ASB9: variants seen among roughly 807,000 people sequenced by gnomAD.
ASB9 encodes ankyrin repeat and SOCS box protein 9.
Under a neutral mutation model 16.6 loss-of-function variants are expected in ASB9, and 5 were observed. The ratio of observed to expected loss-of-function variants is 0.30; its 90% CI spans 0.16 to 0.63. The LOEUF (loss-of-function observed/expected upper bound fraction) is 0.63. Ranked by LOEUF, ASB9 falls within the 30% of genes least tolerant of loss-of-function variation. The pLI is 0.82. For missense variants in ASB9, 216 were observed against 229.4 expected, an observed-to-expected ratio of 0.94 and a Z score of 0.38; for synonymous variants, 100 against 86.4, an observed-to-expected ratio of 1.16 and a Z score of -0.87.
chrX:15,256,845 C>T (rs1305566289), intron 2 of ASB9, among the ~76,000 whole-genome samples: 1 of 107,516 alleles, frequency 9.3e-6, no homozygotes, highest in Non-Finnish European at 1.9e-5. Flanking sequence ...AAGAATATGT[C>T]ATTTCTTACT....
rs769750136 is a variant in ASB9, at chrX:15,250,331, T to C, written c.568+99A>G. 11 of 971,626 alleles carry C rather than the reference T, an allele frequency of 1.1e-5. No homozygotes were observed. In the African/African-American group the frequency reaches 2.1e-4, roughly 19 times the overall value. The allele number at this position is 971,626 out of a possible 1,213,427, so 80.1% of individuals were successfully genotyped here. On this transcript the variant is annotated intron_variant, in intron 5 of 6. Coordinates refer to ENST00000380488, the MANE Select transcript of ASB9 (RefSeq NM_001031739.3). ...GAACCCTGACCTTGTCCAACTCCAT[T>C]GCCCACACTAATTTCTCTCCTACAG...
intron 1 of ASB9, among the ~76,000 whole-genome samples, chrX:15,269,463 CTATTTA>C (rs1267228191): frequency 8.9e-6 from 1 of 112,110 alleles, no homozygotes; most frequent in African/African-American, 3.2e-5. Flanking sequence ...AAAAATTTTC[CTATTTA>C]TAAGTAACTT....
In ASB9 at chrX:15,245,444, T is replaced by C. The variant is rs748134156; in HGVS notation, c.761-814A>G. Among the ~76,000 whole-genome samples the C allele has an allele frequency of 8.2e-3, 911 of 111,117 alleles. 10 individuals carry two copies. The highest frequency in any genetic ancestry group is 0.029 in the African/African-American group (882 of 30,541). On this transcript the variant is annotated intron_variant, in intron 6 of 6. Coordinates refer to ENST00000380488, the MANE Select transcript of ASB9 (RefSeq NM_001031739.3). Reference sequence around the variant, plus strand: ...GCGTCAAGGTTGAGAAACTCTGTTATAGGGCAAAAGGATGGGGAATGATTT... The same window carrying C: ...GCGTCAAGGTTGAGAAACTCTGTTACAGGGCAAAAGGATGGGGAATGATTT...
chrX:15,253,389 C>T (rs1332413514), intron 3 of ASB9, among the ~76,000 whole-genome samples: 5 of 111,250 alleles, frequency 4.5e-5, no homozygotes, highest in Admixed American at 9.5e-5. Context: ...GTCGGAAGTT[C>T]GAGACCAACC....
chrX:15,251,921 T>A (rs987259681), intron 4 of ASB9, among the ~76,000 whole-genome samples: 1 of 112,557 alleles, frequency 8.9e-6, no homozygotes, highest in Non-Finnish European at 1.9e-5. Flanking sequence ...TAGTCTACTA[T>A]GTGCCAAGCC....
Position 15,252,536 on chromosome X carries a change from C to A in ASB9, c.283-132G>T, listed in dbSNP as rs1300063749. The A allele has an allele frequency of 1.1e-5, 7 of 657,032 alleles. No individual in the cohort carries two copies. In the African/African-American group the frequency reaches 1.6e-4, roughly 15 times the overall value. The allele number at this position is 657,032 out of a possible 1,213,427, so 54.1% of individuals were successfully genotyped here. A position where few individuals can be genotyped will look rare whatever the true frequency, so the allele number is the denominator to read the frequency against. ...CCTCAGCTATAAAATGGAGAAATAACTACGAAATTCCACAGGTTTTTGTGA... is the reference window on the plus strand; with the variant it reads ...CCTCAGCTATAAAATGGAGAAATAAATACGAAATTCCACAGGTTTTTGTGA... On this transcript the variant is annotated intron_variant, in intron 3 of 6. Transcript: ENST00000380488.
In ASB9 at chrX:15,248,947, C is replaced by T. The variant is rs1310013294; in HGVS notation, c.569-12G>A. 2 of 1,143,425 alleles carry T rather than the reference C, an allele frequency of 1.7e-6. No individual in the cohort carries two copies. The highest frequency in any genetic ancestry group is 1.8e-5 in the African/African-American group (1 of 54,622). 94.2% of individuals were successfully genotyped at this position (1,143,425 alleles called of 1,213,427 possible). On this transcript the variant is annotated splice_polypyrimidine_tract_variant and intron_variant, in intron 5 of 6. Coordinates refer to ENST00000380488, the MANE Select transcript of ASB9 (RefSeq NM_001031739.3). The stretch of plus-strand genomic sequence containing the variant: ...GTTCACGTCCGCTCCTAAACAGTCA[C>T]GAGAACAAAAAAGAGTCAGCAAGGA...
Position 15,268,696 on chromosome X carries a change from G to A in ASB9, c.94+1085C>T, listed in dbSNP as rs758118742. Among the ~76,000 whole-genome samples, 32 of 107,792 alleles carry A rather than the reference G, an allele frequency of 3.0e-4. No individual in the cohort carries two copies. In the South Asian group the frequency reaches 0.012, roughly 39 times the overall value. The allele number at this position is 107,792 out of a possible 115,157, so 93.6% of individuals were successfully genotyped here. On this transcript the variant is annotated intron_variant, in intron 1 of 6. Transcript: ENST00000380488. ...GCCTCCGAAAGTACTGGGATTACAG[G>A]CGTAAACCACCGTGCCCCGCCTATA...
chrX:15,265,365 G>A (rs1926295504), intron 1 of ASB9, among the ~76,000 whole-genome samples: 1 of 111,905 alleles, frequency 8.9e-6, no homozygotes, highest in African/African-American at 3.3e-5. Context: ...ACATTACTTT[G>A]GGCTTGAGAA....
At chrX:15,250,744 C>T (rs748027905) in intron 4 of ASB9, among the ~76,000 whole-genome samples, 180 bp from the exon 5 acceptor site, 2 of 111,768 alleles carry the variant, frequency 1.8e-5, no homozygotes, top group African/African-American at 3.3e-5. Context: ...ATTTTAGAAA[C>T]GGAGTCTCGC....
intron 2 of ASB9, among the ~76,000 whole-genome samples, chrX:15,258,065 A>G (rs933686922): frequency 8.9e-6 from 1 of 112,339 alleles, no homozygotes; most frequent in African/African-American, 3.2e-5. Context: ...TCAGCAAGAA[A>G]TAATGGTTAC....
At chrX:15,259,191 A>C (rs1320642215) in intron 1 of ASB9, 2 of 296,019 alleles carry the variant, frequency 6.8e-6, no homozygotes, top group East Asian at 9.8e-5. Flanking sequence ...AGGACAAAAG[A>C]GGTGGATTGG....
chrX:15,268,186 G>C (rs1192313333), intron 1 of ASB9, among the ~76,000 whole-genome samples: 1 of 108,647 alleles, frequency 9.2e-6, no homozygotes, highest in Non-Finnish European at 1.9e-5. Flanking sequence ...ACAAAAATTA[G>C]CCGGGTGTGG....
chrX:15,245,136 CAATTCAT>C (rs1047052597), intron 6 of ASB9, among the ~76,000 whole-genome samples: 2 of 111,628 alleles, frequency 1.8e-5, no homozygotes, highest in African/African-American at 6.5e-5. Context: ...TCCAATGCTT[CAATTCAT>C]AAGTGAAAAG....
intron 3 of ASB9, among the ~76,000 whole-genome samples, 167 bp from the exon 4 acceptor site, chrX:15,252,571 T>G (rs1408746425): frequency 8.9e-6 from 1 of 112,351 alleles, no homozygotes; most frequent in South Asian, 3.7e-4. Context: ...AAAAATGGAA[T>G]TAGGGAGTGG....
chrX:15,247,410 A>G (rs1330639038), intron 6 of ASB9, among the ~76,000 whole-genome samples: 4 of 111,855 alleles, frequency 3.6e-5, no homozygotes, highest in Non-Finnish European at 5.6e-5. Flanking sequence ...AAGCCAGGGG[A>G]GGCAATTTGA....
chrX:15,244,860 A>G (rs1169563720), intron 6 of ASB9, among the ~76,000 whole-genome samples: 2 of 111,571 alleles, frequency 1.8e-5, no homozygotes, highest in African/African-American at 6.5e-5. Context: ...GAACAGAGTG[A>G]AAGAAATTTA....
intron 2 of ASB9, among the ~76,000 whole-genome samples, chrX:15,256,381 G>A (rs1469804621): frequency 5.5e-5 from 5 of 90,737 alleles, no homozygotes; most frequent in Admixed American, 2.6e-4. Context: ...GCAGTGGCGC[G>A]ATCTCGGGTC....
chrX:15,267,425 T>TTAAAAAAAAAAAAAATAC (rs377056337), intron 1 of ASB9, among the ~76,000 whole-genome samples: 1 of 87,657 alleles, frequency 1.1e-5, no homozygotes, highest in African/African-American at 4.1e-5. Flanking sequence ...AAAATATATA[T>TTAAAAAAAAAAAAAATAC]ATATATATAA....
Sources: allele counts gnomAD v4.1 joint callset (sites outside exome capture counted in the v4.1 genomes callset), GRCh38; gene constraint gnomAD v4.1.1; transcripts MANE v1.5; gene names NCBI Gene and HGNC (gene_info 2026-07-23, HGNC 2026-07-21).